The following CANT1 variants were observed in gnomAD, a reference collection of about 807,000 sequenced individuals.
CANT1 encodes the protein calcium activated nucleotidase 1, also known as soluble calcium-activated nucleotidase 1.
CANT1 carries 26 observed loss-of-function variants against 30.0 expected under a neutral mutation model. The observed-to-expected ratio is 0.87, with a 90% CI of 0.64 to 1.20. The LOEUF (loss-of-function observed/expected upper bound fraction) is 1.20, where lower values mean the gene tolerates loss of function less well. Among genes scored for constraint, CANT1 ranks in the 50% most tolerant of loss-of-function variants. The pLI, the probability that CANT1 is intolerant of heterozygous loss-of-function variation, is 0.00. For synonymous variants in CANT1, 246 were observed against 251.8 expected (o/e 0.98, Z 0.22); for missense variants, 518 against 563.0 (o/e 0.92, Z 0.81).
chr17:79,002,562 G>C lies in CANT1; in HGVS notation c.-146-4599C>G, dbSNP rs1348270584. Reference sequence around the variant, plus strand: ...CGGCCTGCTGTGTAGTCACGTCCTGGTGTGTAGATGTGGCTGATTAAAGCC... The same window carrying C: ...CGGCCTGCTGTGTAGTCACGTCCTGCTGTGTAGATGTGGCTGATTAAAGCC... On this transcript the variant is annotated intron_variant, in intron 1 of 4. Coordinates refer to ENST00000392446, the MANE Select transcript of CANT1 (RefSeq NM_001159773.2). This position sits in a 1 kb window ranked among gnomAD's most constrained non-coding sequence, Gnocchi z 4.0. Among the ~76,000 whole-genome samples the C allele has an allele frequency of 6.6e-6, 1 of 152,176 alleles. No individual in the cohort carries two copies. Among genetic ancestry groups the C allele is most frequent in the Non-Finnish European group, 1.5e-5 (1 of 68,036 alleles).
Position 78,996,361 on chromosome 17 carries a change from C to T in CANT1, c.631+631G>A, listed in dbSNP as rs2071034463. Among the ~76,000 whole-genome samples, 1 of 152,190 alleles carries T rather than the reference C, an allele frequency of 6.6e-6. No individual in the cohort carries two copies. Among genetic ancestry groups the T allele is most frequent in the Non-Finnish European group, 1.5e-5 (1 of 68,018 alleles). On this transcript the variant is annotated intron_variant, in intron 3 of 4. Transcript: ENST00000392446. The surrounding 1 kb of genome is among the most constrained non-coding windows in gnomAD (Gnocchi z 5.1). Reference sequence around the variant, plus strand: ...CTCTGCCAGCGTCCTTGGCACCTCCCCAGCTCCTCTCTGGAGGAAGACACT... The same window carrying T: ...CTCTGCCAGCGTCCTTGGCACCTCCTCAGCTCCTCTCTGGAGGAAGACACT...
rs769884626 is a variant in CANT1, at chr17:79,002,940, C to T, written c.-146-4977G>A. On this transcript the variant is annotated intron_variant, in intron 1 of 4. Coordinates refer to ENST00000392446, the MANE Select transcript of CANT1 (RefSeq NM_001159773.2). The surrounding 1 kb of genome is among the most constrained non-coding windows in gnomAD (Gnocchi z 4.0). ...TGGCATCTACACCGTGGCACACGCT[C>T]CCCACCCGGGAGGCTCATGTCCTCT... Among the ~76,000 whole-genome samples the T allele has an allele frequency of 2.6e-5, 4 of 151,740 alleles. No individual in the cohort carries two copies. The highest frequency in any genetic ancestry group is 7.3e-5 in the African/African-American group (3 of 41,150).
chr17:79,000,969 G>A (rs1028431822), intron 1 of CANT1, among the ~76,000 whole-genome samples: 21 of 152,192 alleles, frequency 1.4e-4, no homozygotes, highest in African/African-American at 5.1e-4. Context: ...GGAAAGAGAT[G>A]CCAGGTGAGC....
At position 78,996,860 on chromosome 17, in the gene CANT1, G is replaced by A; in HGVS notation, c.631+132C>T. The A allele has an allele frequency of 7.9e-7, 1 of 1,272,230 alleles. No homozygotes were observed. Among genetic ancestry groups the A allele is most frequent in the Non-Finnish European group, 1.1e-6 (1 of 882,930 alleles). The allele number at this position is 1,272,230 out of a possible 1,614,324, so 78.8% of individuals were successfully genotyped here. ...AGGGGGCCGCAGGTCAGAGCAAGAGGGAGACGTGCTCCCTCACCACATCCC... is the reference window on the plus strand; with the variant it reads ...AGGGGGCCGCAGGTCAGAGCAAGAGAGAGACGTGCTCCCTCACCACATCCC... On this transcript the variant is annotated intron_variant, in intron 3 of 4. Coordinates refer to ENST00000392446, the MANE Select transcript of CANT1 (RefSeq NM_001159773.2). The surrounding 1 kb of genome is among the most constrained non-coding windows in gnomAD (Gnocchi z 5.1).
In CANT1 at chr17:78,992,273, C is replaced by A; in HGVS notation, c.*1277G>T. On this transcript the variant is annotated 3_prime_UTR_variant, in exon 5 of 5. Transcript: ENST00000392446. ...GGCACAGGGACAGCCAGAGCCGGCA[C>A]CCTCCGGCCCACCGTGGCACCCCTG... 1 of 236,036 alleles carries A rather than the reference C, an allele frequency of 4.2e-6. No homozygotes were observed. Among genetic ancestry groups the A allele is most frequent in the Non-Finnish European group, 8.4e-6 (1 of 119,524 alleles). The allele number at this position is 236,036 out of a possible 1,614,324, so 14.6% of individuals were successfully genotyped here. A position where few individuals can be genotyped will look rare whatever the true frequency, so the allele number is the denominator to read the frequency against.
rs1248257358 is a variant in CANT1 at position 78,993,653 on chromosome 17, C to A, written c.1103G>T (p.Gly368Val). Reference protein sequence around the residue: ...IVALKSEEDSGRVASYIMAFT... With the variant: ...IVALKSEEDSVRVASYIMAFT... ...GGCCATGATGTAGGAGGCGACTCTGCCGCTGTCCTCCTCGGATTTGAGGGC... is the reference window on the plus strand; with the variant it reads ...GGCCATGATGTAGGAGGCGACTCTGACGCTGTCCTCCTCGGATTTGAGGGC... Residue 368 changes from glycine (G) to valine (V), a missense_variant, in exon 5 of 5, where the codon GGC becomes GTC. Gly to Val is a moderately radical substitution (Grantham distance 109). Coordinates refer to ENST00000392446, the MANE Select transcript of CANT1 (RefSeq NM_001159773.2). The surrounding 1 kb of genome is among the most constrained non-coding windows in gnomAD (Gnocchi z 4.5). The A allele has an allele frequency of 6.2e-7, 1 of 1,614,240 alleles. No homozygotes were observed. The highest frequency in any genetic ancestry group is 8.5e-7 in the Non-Finnish European group (1 of 1,180,042).
intron 1 of CANT1, among the ~76,000 whole-genome samples, chr17:79,006,521 A>G (rs1050690140): frequency 2.0e-5 from 3 of 152,194 alleles, no homozygotes; most frequent in African/African-American, 2.4e-5. Flanking sequence ...AAGAGGGGAA[A>G]GAGCCTCCAG....
rs1015040395 is a variant in CANT1, at chr17:78,992,795, C to G, written c.*755G>C. 1.0e-5 allele frequency: 5 copies of G among 497,168 alleles called. No homozygotes were observed. Among genetic ancestry groups the G allele is most frequent in the East Asian group, 7.4e-5 (2 of 26,998 alleles). The allele number at this position is 497,168 out of a possible 1,614,324, so 30.8% of individuals were successfully genotyped here. On this transcript the variant is annotated 3_prime_UTR_variant, in exon 5 of 5. Coordinates refer to ENST00000392446, the MANE Select transcript of CANT1 (RefSeq NM_001159773.2). ...GGCTGGGTAACTACAGGACTGTGCT[C>G]TGTGTGATAAGATTTGGTGATTCCA...
chr17:79,007,886 G>A (rs950370835), intron 1 of CANT1, among the ~76,000 whole-genome samples: 2 of 152,242 alleles, frequency 1.3e-5, no homozygotes, highest in Non-Finnish European at 2.9e-5. Flanking sequence ...CCAGCGAGGT[G>A]TCCCAGGGTC....
chr17:78,995,182 A>G lies in CANT1; in HGVS notation c.671T>C (p.Leu224Pro), dbSNP rs150181226. The G allele has an allele frequency of 1.6e-5, 26 of 1,613,676 alleles. No individual in the cohort carries two copies. Among genetic ancestry groups the G allele is most frequent in the Non-Finnish European group, 2.0e-5 (24 of 1,179,948 alleles). Residue 224 changes from leucine (L) to proline (P), a missense_variant, in exon 4 of 5, where the codon CTG (leucine) becomes CCG (proline). Physicochemically the swap from Leu to Pro is moderately conservative, Grantham distance 98. This residue lies in a region of CANT1 where 48 missense variants were observed against 82.5 expected (regional missense o/e 0.58). Coordinates refer to ENST00000392446, the MANE Select transcript of CANT1 (RefSeq NM_001159773.2). This position sits in a 1 kb window ranked among gnomAD's most constrained non-coding sequence, Gnocchi z 5.7. ...AEWLAVKDER[L>P]YVGGLGKEWT... ...CTCCTTGCCCAGGCCGCCCACGTAC[A>G]GACGCTCGTCCTTCACTGCCAGCCA... is the stretch of plus-strand genomic sequence containing the variant.
At position 78,991,819 on chromosome 17, in the gene CANT1, G is replaced by C. The variant is rs2070850838; in HGVS notation, c.*1731C>G. On this transcript the variant is annotated 3_prime_UTR_variant, in exon 5 of 5. Coordinates refer to ENST00000392446, the MANE Select transcript of CANT1 (RefSeq NM_001159773.2). ...AGCGAACAGAGAGGGGAAGAAAAAA[G>C]GTGAGCTTTAAAGTAATCGCAAATC... 4.4e-6 allele frequency: 1 copy of C among 227,928 alleles called. No homozygotes were observed. Among genetic ancestry groups the C allele is most frequent in the Non-Finnish European group, 8.7e-6 (1 of 114,804 alleles). The allele number at this position is 227,928 out of a possible 1,614,324, so 14.1% of individuals were successfully genotyped here. A position where few individuals can be genotyped will look rare whatever the true frequency, so the allele number is the denominator to read the frequency against.
chr17:78,997,726 G>C lies in CANT1; in HGVS notation c.-22-82C>G, dbSNP rs2145841037. The C allele has an allele frequency of 7.9e-7, 1 of 1,268,046 alleles. No individual in the cohort carries two copies. Among genetic ancestry groups the C allele is most frequent in the Non-Finnish European group, 1.1e-6 (1 of 939,790 alleles). 78.5% of individuals were successfully genotyped at this position (1,268,046 alleles called of 1,614,324 possible). A position where few individuals can be genotyped will look rare whatever the true frequency, so the allele number is the denominator to read the frequency against. ...TTAGTTCCGGAAGCTGCAGGCGCTG[G>C]AGGCTGACTTTTCCAGAAGAAACAG... On this transcript the variant is annotated intron_variant, in intron 2 of 4. Coordinates refer to ENST00000392446, the MANE Select transcript of CANT1 (RefSeq NM_001159773.2). This position sits in a 1 kb window ranked among gnomAD's most constrained non-coding sequence, Gnocchi z 7.5.
In CANT1 at chr17:79,001,367, A is replaced by G. The variant is rs1037449701; in HGVS notation, c.-146-3404T>C. On this transcript the variant is annotated intron_variant, in intron 1 of 4. Transcript: ENST00000392446. ...GGGGCTCACACCTGCCACTCAGGTC[A>G]GTCCCCCCAGCCGCCGGGCACCTGC... Among the ~76,000 whole-genome samples the G allele has an allele frequency of 1.4e-4, 21 of 152,242 alleles. 1 individual carries two copies. The highest frequency in any genetic ancestry group is 4.1e-4 in the African/African-American group (17 of 41,540).
Position 78,995,695 on chromosome 17 carries a change from T to A in CANT1, c.632-474A>T, listed in dbSNP as rs541835336. 7.2e-4 allele frequency among the ~76,000 whole-genome samples: 109 copies of A among 152,338 alleles called. No homozygotes were observed. The highest frequency in any genetic ancestry group is 2.6e-3 in the African/African-American group (107 of 41,578). ...GAAGCTGTTTTTGCTTTTTTTAAACTGATTTATTTAAAATAAGCCTAACTT... is the reference window on the plus strand; with the variant it reads ...GAAGCTGTTTTTGCTTTTTTTAAACAGATTTATTTAAAATAAGCCTAACTT... On this transcript the variant is annotated intron_variant, in intron 3 of 4. Coordinates refer to ENST00000392446, the MANE Select transcript of CANT1 (RefSeq NM_001159773.2). This position sits in a 1 kb window ranked among gnomAD's most constrained non-coding sequence, Gnocchi z 5.7.
rs142460586 is a variant in CANT1 at position 78,993,452 on chromosome 17, G to A, written c.*98C>T. On this transcript the variant is annotated 3_prime_UTR_variant, in exon 5 of 5. Coordinates refer to ENST00000392446, the MANE Select transcript of CANT1 (RefSeq NM_001159773.2). This position sits in a 1 kb window ranked among gnomAD's most constrained non-coding sequence, Gnocchi z 4.5. Reference sequence around the variant, plus strand: ...CTCCCTGTCCAGACCTCCAACCCAGGCACAGTTCCAAAAAGAACAAAACAA... The same window carrying A: ...CTCCCTGTCCAGACCTCCAACCCAGACACAGTTCCAAAAAGAACAAAACAA... 27 of 1,563,090 alleles carry A rather than the reference G, an allele frequency of 1.7e-5. No individual in the cohort carries two copies. The highest frequency in any genetic ancestry group is 9.0e-5 in the East Asian group (4 of 44,262).
At position 78,993,618 on chromosome 17, in the gene CANT1, C is replaced by G; in HGVS notation, c.1138G>C (p.Asp380His). ...GTCTCCGGCAACAGGAAGCGCCCGT[C>G]CAGCGTGAAGGCCATGATGTAGGAG... The part of the protein sequence containing the change: ...VASYIMAFTL[D>H]GRFLLPETKI... The change falls in exon 5 of 5, where the codon GAC becomes CAC. Residue 380 changes from aspartate to histidine, a missense_variant. Physicochemically the swap from Asp to His is moderately conservative, Grantham distance 81 (BLOSUM62 -1). Transcript: ENST00000392446. The surrounding 1 kb of genome is among the most constrained non-coding windows in gnomAD (Gnocchi z 4.5). 2 of 1,614,266 alleles carry G rather than the reference C, an allele frequency of 1.2e-6. No homozygotes were observed. Among genetic ancestry groups the G allele is most frequent in the Non-Finnish European group, 1.7e-6 (2 of 1,180,054 alleles).
chr17:78,996,490 A>G lies in CANT1; in HGVS notation c.631+502T>C, dbSNP rs770832070. The stretch of plus-strand genomic sequence containing the variant: ...CAGGCTCCACTCCAGGGGGGTTGGC[A>G]CAGCTCACACATGCCCTCCCCCTGC... On this transcript the variant is annotated intron_variant, in intron 3 of 4. Transcript: ENST00000392446. This position sits in a 1 kb window ranked among gnomAD's most constrained non-coding sequence, Gnocchi z 5.1. Among the ~76,000 whole-genome samples the G allele has an allele frequency of 2.0e-5, 3 of 152,166 alleles. No individual in the cohort carries two copies. The highest frequency in any genetic ancestry group is 2.9e-5 in the Non-Finnish European group (2 of 68,020).
chr17:79,005,129 A>T (rs1290203827), intron 1 of CANT1, among the ~76,000 whole-genome samples: 1 of 34,484 alleles, frequency 2.9e-5, no homozygotes, highest in Admixed American at 3.9e-4. Flanking sequence ...AGTTAGGGAG[A>T]GGGGATTTAG....
In CANT1 at chr17:78,997,134, T is replaced by C; in HGVS notation, c.489A>G (p.Arg163=). ...VLESHLAEKG[R]GMELSDLIVF... is the part of the protein sequence containing the mutation. Reference sequence around the variant, plus strand: ...CAATCAGGTCGGATAGCTCCATGCCTCTCCCCTTCTCCGCCAGGTGGGACT... The same window carrying C: ...CAATCAGGTCGGATAGCTCCATGCCCCTCCCCTTCTCCGCCAGGTGGGACT... The change falls in exon 3 of 5, where the codon AGA becomes AGG. Residue 163 remains arginine, a synonymous_variant. Transcript: ENST00000392446. This position sits in a 1 kb window ranked among gnomAD's most constrained non-coding sequence, Gnocchi z 7.5. The C allele has an allele frequency of 6.2e-7, 1 of 1,614,120 alleles. No homozygotes were observed. The highest frequency in any genetic ancestry group is 1.1e-5 in the South Asian group (1 of 91,078).
Sources: allele counts gnomAD v4.1 joint callset (sites outside exome capture counted in the v4.1 genomes callset), GRCh38; gene constraint gnomAD v4.1.1; regional missense constraint gnomAD v4.1.1; non-coding constraint Gnocchi (gnomAD v3.1); transcripts MANE v1.5; gene names NCBI Gene and HGNC (gene_info 2026-07-23, HGNC 2026-07-21).